Variants in SPIRE1 observed in about 807,000 individuals in gnomAD.
SPIRE1 encodes the protein spire type actin nucleation factor 1, also known as protein spire homolog 1.
Under a neutral mutation model 94.1 loss-of-function variants are expected in SPIRE1, and 40 were observed. The observed-to-expected ratio is 0.43, with a 90% CI of 0.33 to 0.55. The LOEUF (loss-of-function observed/expected upper bound fraction) is 0.55, where lower values mean the gene tolerates loss of function less well. Ranked by LOEUF, SPIRE1 falls within the 20% of genes least tolerant of loss-of-function variation. SPIRE1 has a pLI of 0.06. For synonymous variants in SPIRE1, 376 were observed against 371.7 expected (o/e 1.01, Z -0.13); for missense variants, 838 against 975.2 (o/e 0.86, Z 1.87).
At chr18:12,605,445 G>A (rs555446941) in intron 2 of SPIRE1, among the ~76,000 whole-genome samples, 74 of 152,268 alleles carry the variant, frequency 4.9e-4, no homozygotes, top group African/African-American at 1.6e-3. Flanking sequence ...GGCGGAGGTC[G>A]CAGTGAGCTG....
At chr18:12,460,649 T>C (rs1598890372) in intron 12 of SPIRE1, among the ~76,000 whole-genome samples, 1 of 151,310 alleles carries the variant, frequency 6.6e-6, no homozygotes, top group Non-Finnish European at 1.5e-5. Flanking sequence ...GAGGCGGAGG[T>C]TGTGGTGAAT....
At chr18:12,506,783 T>C in intron 5 of SPIRE1, 142 bp from the exon 6 acceptor site, 1 of 858,054 alleles carries the variant, frequency 1.2e-6, no homozygotes, top group Non-Finnish European at 1.8e-6. Flanking sequence ...AATTAGATTT[T>C]GGGTACTAAA....
At position 12,452,267 on chromosome 18, in the gene SPIRE1, C is replaced by T. The variant is rs370726479; in HGVS notation, c.2000G>A (p.Arg667Gln). The T allele has an allele frequency of 2.4e-5, 39 of 1,613,740 alleles. No individual in the cohort carries two copies. Among genetic ancestry groups the T allele is most frequent in the Non-Finnish European group, 3.1e-5 (36 of 1,179,966 alleles). ...KPSTAHHRPL[R>Q]SIARFSSKSK... ...GCCCCTTGCTCACCTGGCAATGCTC[C>T]GAAGTGGCCGATGATGGGCAGTGGA... The change falls in exon 16 of 17, where the codon CGG (arginine) becomes CAG (glutamine). Residue 667 changes from arginine to glutamine, a missense_variant. Physicochemically the swap from Arg to Gln is conservative, Grantham distance 43. Around this residue, in one of 2 missense-constraint regions of SPIRE1, gnomAD observed 645 missense variants for 804.7 expected, o/e 0.80. Coordinates refer to ENST00000409402, the MANE Select transcript of SPIRE1 (RefSeq NM_001128626.2).
chr18:12,580,160 G>A (rs1367477677), intron 2 of SPIRE1, among the ~76,000 whole-genome samples: 1 of 152,118 alleles, frequency 6.6e-6, no homozygotes. Context: ...GATGCAGGCA[G>A]GTGGACTGGA....
intron 1 of SPIRE1, among the ~76,000 whole-genome samples, chr18:12,643,138 CA>C (rs1747315824): frequency 6.6e-6 from 1 of 151,272 alleles, no homozygotes; most frequent in South Asian, 2.1e-4. Flanking sequence ...AATGTTTATA[CA>C]TAAATAGCTA....
intron 12 of SPIRE1, among the ~76,000 whole-genome samples, chr18:12,457,698 A>G (rs1274566050): frequency 2.2e-5 from 1 of 44,950 alleles, no homozygotes; most frequent in Admixed American, 1.9e-4. Context: ...AAAATTGTTG[A>G]GTTTTTTTTT....
At chr18:12,640,216 A>G (rs2058304844) in intron 1 of SPIRE1, among the ~76,000 whole-genome samples, 1 of 152,234 alleles carries the variant, frequency 6.6e-6, no homozygotes, top group African/African-American at 2.4e-5. Flanking sequence ...TGAATAAGCA[A>G]AAGGCAAACT....
At chr18:12,621,286 T>C (rs938869353) in intron 2 of SPIRE1, among the ~76,000 whole-genome samples, 3 of 152,302 alleles carry the variant, frequency 2.0e-5, no homozygotes, top group Admixed American at 1.3e-4. Context: ...TGTCAAAAGA[T>C]AGAGTTACTT....
intron 2 of SPIRE1, among the ~76,000 whole-genome samples, chr18:12,552,632 T>A (rs2035384563): frequency 6.6e-6 from 1 of 152,060 alleles, no homozygotes; most frequent in South Asian, 2.1e-4. Flanking sequence ...GTTATTTGCA[T>A]AAAAAAAGCA....
intron 1 of SPIRE1, among the ~76,000 whole-genome samples, chr18:12,635,765 A>G (rs773413646): frequency 2.4e-4 from 37 of 152,240 alleles, no homozygotes; most frequent in Non-Finnish European, 4.4e-4. Context: ...TGACAAAAAC[A>G]TACTTCTTAA....
rs116544510 is a variant in SPIRE1, at chr18:12,608,994, C to T, written c.372+26068G>A. On this transcript the variant is annotated intron_variant, in intron 2 of 16. Transcript: ENST00000409402. ...GGGGGTGGGGTGTGGGGATGGTTTT[C>T]AGGATGAAACTGTCCCACCTCAGAT... 9.4e-3 allele frequency among the ~76,000 whole-genome samples: 1,434 copies of T among 152,208 alleles called. 31 individuals carry two copies. The highest frequency in any genetic ancestry group is 0.032 in the African/African-American group (1,322 of 41,530).
upstream of SPIRE1, chr18:12,658,270 G>C (rs866327815): frequency 4.4e-6 from 2 of 457,962 alleles, no homozygotes; most frequent in African/African-American, 2.1e-5. Context: ...AGCCCGCAGG[G>C]CTCTCAGAGT....
At chr18:12,661,405 T>C, upstream of SPIRE1, 1 of 963,540 alleles carries the variant, frequency 1.0e-6, no homozygotes, top group Non-Finnish European at 1.2e-6. Flanking sequence ...CAGCCATTGA[T>C]ATCTTCTCAG....
At chr18:12,450,681 G>T in intron 16 of SPIRE1, 1 of 633,324 alleles carries the variant, frequency 1.6e-6, no homozygotes. Flanking sequence ...AAGGATTATG[G>T]ACCAGCTAAG....
Position 12,454,446 on chromosome 18 carries a change from G to T in SPIRE1, c.1676C>A (p.Thr559Asn). The part of the protein sequence containing the change: ...FCYPVECLAL[T>N]VEEVMHIRQV... ...GCGAATATGCATCACTTCTTCCACAGTAAGAGCGAGGCATTCCACTGGGTA... is the reference window on the plus strand; with the variant it reads ...GCGAATATGCATCACTTCTTCCACATTAAGAGCGAGGCATTCCACTGGGTA... Residue 559 changes from threonine (T) to asparagine (N), a missense_variant, in exon 13 of 17, where the codon ACT (threonine) becomes AAT (asparagine). Coordinates refer to ENST00000409402, the MANE Select transcript of SPIRE1 (RefSeq NM_001128626.2). 1 of 1,614,050 alleles carries T rather than the reference G, an allele frequency of 6.2e-7. No homozygotes were observed. Among genetic ancestry groups the T allele is most frequent in the Non-Finnish European group, 8.5e-7 (1 of 1,179,948 alleles).
chr18:12,594,876 T>G (rs2036628583), intron 2 of SPIRE1, among the ~76,000 whole-genome samples: 1 of 152,226 alleles, frequency 6.6e-6, no homozygotes, highest in Non-Finnish European at 1.5e-5. Flanking sequence ...CCTCAGACTA[T>G]TCAATGCAAA....
At chr18:12,454,526 T>G in intron 12 of SPIRE1, 43 bp from the exon 13 acceptor site, 4 of 1,605,736 alleles carry the variant, frequency 2.5e-6, no homozygotes, top group Non-Finnish European at 3.4e-6. Flanking sequence ...TCCTACCCCC[T>G]GTTCTGGAAG....
chr18:12,494,665 TAA>T (rs71172090), intron 7 of SPIRE1, among the ~76,000 whole-genome samples: 4 of 137,732 alleles, frequency 2.9e-5, no homozygotes, highest in Non-Finnish European at 3.1e-5. Context: ...CCGTCTCTAC[TAA>T]AAAAAAAAAA....
intron 2 of SPIRE1, among the ~76,000 whole-genome samples, chr18:12,551,772 T>A (rs1460926601): frequency 6.6e-6 from 1 of 151,278 alleles, no homozygotes; most frequent in Non-Finnish European, 1.5e-5. Context: ...TTATTGATCA[T>A]CAGCCCTGCA....
Sources: gnomAD v4.1 joint callset for allele counts (sites outside exome capture counted in the v4.1 genomes callset) on GRCh38, gnomAD v4.1.1 for gene constraint, gnomAD v4.1.1 regional missense constraint, MANE v1.5 for transcripts, NCBI Gene and HGNC (gene_info 2026-07-23, HGNC 2026-07-21) for gene names.